The following GSE1 variants were observed in gnomAD, a reference collection of about 807,000 sequenced individuals.
GSE1 encodes the protein Gse1 coiled-coil protein, also known as genetic suppressor element 1.
A neutral mutation model predicts 112.6 loss-of-function variants in GSE1; 32 were observed. That is an observed-to-expected ratio of 0.28 (90% CI 0.21 to 0.38). The LOEUF (loss-of-function observed/expected upper bound fraction) is 0.38. GSE1 is among the 10% of genes least tolerant of loss of function. GSE1 has a pLI of 1.00. For synonymous variants in GSE1, 1,115 were observed against 735.6 expected (o/e 1.52, Z -8.35); for missense variants, 2,348 against 1,699.2 (o/e 1.38, Z -6.71).
chr16:85,514,981 T>C (rs1449426700), intron 2 of GSE1, among the ~76,000 whole-genome samples: 1 of 152,050 alleles, frequency 6.6e-6, no homozygotes, highest in Admixed American at 6.5e-5. Context: ...GCATGCATGT[T>C]TGTGTGTGTG....
rs1430850530 is a variant in GSE1, at chr16:85,331,657, G to GTA, written c.2284-25802_2284-25801dup. Among the ~76,000 whole-genome samples the GTA allele has an allele frequency of 1.5e-3, 143 of 96,894 alleles. 4 individuals carry two copies. The highest frequency in any genetic ancestry group is 5.6e-3 in the African/African-American group (136 of 24,344). The allele number at this position is 96,894 out of a possible 152,430, so 63.6% of individuals were successfully genotyped here. Reference sequence around the variant, plus strand: ...TATATATGTGTGTATATATATATGTGTATATGTGTGTGTGTGTGTGTGTGT... The same window carrying GTA: ...TATATATGTGTGTATATATATATGTGTATATATGTGTGTGTGTGTGTGTGTGT... On this transcript the variant is annotated intron_variant, in intron 1 of 2. Transcript: ENST00000637419.
chr16:85,202,280 C>T (rs959230614), intron 1 of GSE1, among the ~76,000 whole-genome samples: 1 of 152,232 alleles, frequency 6.6e-6, no homozygotes, highest in Admixed American at 6.5e-5. Context: ...GAGGAAGGGC[C>T]TGAGTGTTAG....
intron 1 of GSE1, among the ~76,000 whole-genome samples, chr16:85,338,336 T>A (rs1037646771): frequency 3.9e-5 from 6 of 152,244 alleles, no homozygotes; most frequent in African/African-American, 1.4e-4. Context: ...CCTCCTAACC[T>A]TCCGGGCTGC....
At chr16:85,279,426 G>A (rs903561632) in intron 1 of GSE1, among the ~76,000 whole-genome samples, 5 of 152,170 alleles carry the variant, frequency 3.3e-5, no homozygotes, top group Non-Finnish European at 7.3e-5. Flanking sequence ...GGGCATTATA[G>A]CAAGACCCTG....
chr16:85,481,311 G>A (rs972354271), intron 2 of GSE1, among the ~76,000 whole-genome samples: 1 of 152,256 alleles, frequency 6.6e-6, no homozygotes, highest in East Asian at 1.9e-4. Flanking sequence ...GCATAGCACA[G>A]TCAGTGGTTT....
chr16:85,431,978 A>ATGGGCGCCTGGTGGAATCC (rs1339357926), intron 2 of GSE1, among the ~76,000 whole-genome samples: 3 of 152,218 alleles, frequency 2.0e-5, no homozygotes, highest in African/African-American at 7.2e-5. Context: ...ACAGCACGGC[A>ATGGGCGCCTGGTGGAATCC]TGGGCGCCTG....
rs565060830 is a variant in GSE1 at position 85,230,667 on chromosome 16, C to G, written c.2283+58860C>G. Among the ~76,000 whole-genome samples the G allele has an allele frequency of 3.3e-5, 5 of 152,326 alleles. No individual in the cohort carries two copies. The South Asian group carries it at 1.0e-3, about 32-fold the overall frequency. On this transcript the variant is annotated intron_variant, in intron 1 of 2. Coordinates refer to the GSE1 transcript ENST00000637419. Reference sequence around the variant, plus strand: ...TGGACATGTGGGGAGAGATTCTTAGCAAATACCCAAGGGCAGATTATGACT... The same window carrying G: ...TGGACATGTGGGGAGAGATTCTTAGGAAATACCCAAGGGCAGATTATGACT...
intron 3 of GSE1, 134 bp downstream of exon 3, chr16:85,648,885 C>G: frequency 1.9e-6 from 1 of 534,402 alleles, no homozygotes; most frequent in Non-Finnish European, 3.2e-6. Context: ...GAGTTTCCGT[C>G]TCCTTCTCTG....
intron 1 of GSE1, among the ~76,000 whole-genome samples, chr16:85,192,317 C>A (rs547730503): frequency 2.0e-5 from 3 of 152,232 alleles, no homozygotes; most frequent in South Asian, 2.1e-4. Flanking sequence ...TGTTACTTAA[C>A]CTTTCTGTGC....
chr16:85,315,219 C>T (rs972445820), intron 1 of GSE1, among the ~76,000 whole-genome samples: 11 of 151,890 alleles, frequency 7.2e-5, no homozygotes, highest in African/African-American at 1.2e-4. Flanking sequence ...GAGCAGGGGT[C>T]GGGGGGAGGC....
intron 1 of GSE1, among the ~76,000 whole-genome samples, chr16:85,254,373 A>G (rs975394135): frequency 3.3e-5 from 5 of 152,162 alleles, no homozygotes; most frequent in African/African-American, 4.8e-5. Flanking sequence ...GGACTGGGAC[A>G]TGTGTTGACC....
intron 2 of GSE1, among the ~76,000 whole-genome samples, chr16:85,648,212 C>T (rs1259814237): frequency 2.0e-5 from 3 of 152,116 alleles, no homozygotes; most frequent in East Asian, 1.9e-4. Flanking sequence ...CACTCAGGGA[C>T]GTCAGGCACT....
chr16:85,309,952 AAGG>A (rs1423762534), intron 1 of GSE1, among the ~76,000 whole-genome samples: 1 of 152,166 alleles, frequency 6.6e-6, no homozygotes, highest in East Asian at 1.9e-4. Flanking sequence ...AAAAATAAAA[AAGG>A]AGAAGTGGCG....
chr16:85,294,610 C>CCTCTCTCTCTCTCTCTCTCT (rs1199580682), intron 1 of GSE1, among the ~76,000 whole-genome samples: 1 of 83,136 alleles, frequency 1.2e-5, no homozygotes, highest in African/African-American at 5.2e-5. Context: ...TGCCAGCACG[C>CCTCTCTCTCTCTCTCTCTCT]CTCTCACTCT....
intron 1 of GSE1, among the ~76,000 whole-genome samples, chr16:85,196,201 C>T (rs145416915): frequency 3.9e-5 from 6 of 152,196 alleles, no homozygotes; most frequent in Admixed American, 6.5e-5. Flanking sequence ...GGTTGGGGCC[C>T]GTGTTATCAT....
At chr16:85,426,222 G>GATGA (rs56352702) in intron 2 of GSE1, among the ~76,000 whole-genome samples, 3 of 147,724 alleles carry the variant, frequency 2.0e-5, no homozygotes, top group Non-Finnish European at 4.5e-5. Context: ...TGGATGGATG[G>GATGA]TAGATGGTGG....
intron 1 of GSE1, among the ~76,000 whole-genome samples, chr16:85,572,549 A>G (rs543761953): frequency 6.6e-6 from 1 of 152,148 alleles, no homozygotes; most frequent in African/African-American, 2.4e-5. Context: ...TGCACACAAC[A>G]CACAACACGA....
chr16:85,441,825 G>A (rs191991775), intron 2 of GSE1, among the ~76,000 whole-genome samples: 499 of 152,284 alleles, frequency 3.3e-3, no homozygotes, highest in South Asian at 6.6e-3. Context: ...CCCCTGCAAT[G>A]CTTTCTCCTC....
chr16:85,478,915 C>CTTTCTT (rs2050574107), intron 2 of GSE1, among the ~76,000 whole-genome samples: 1 of 51,290 alleles, frequency 1.9e-5, no homozygotes, highest in Non-Finnish European at 3.6e-5. Flanking sequence ...TTCTTTCTTT[C>CTTTCTT]TTTCTTTCTT....
Sources: allele counts gnomAD v4.1 joint callset (sites outside exome capture counted in the v4.1 genomes callset), GRCh38; gene constraint gnomAD v4.1.1; transcripts MANE v1.5; gene names NCBI Gene and HGNC (gene_info 2026-07-23, HGNC 2026-07-21).